C8orf88: variants seen among roughly 807,000 people sequenced by gnomAD.
C8orf88 encodes the protein chromosome 8 open reading frame 88, also known as uncharacterized protein C8orf88.
C8orf88 carries 14 observed loss-of-function variants against 18.4 expected under a neutral mutation model. That is an observed-to-expected ratio of 0.76 (90% confidence interval 0.50 to 1.19). C8orf88 has a LOEUF of 1.19. Among genes scored for constraint, C8orf88 ranks in the 50% most tolerant of loss-of-function variants. The pLI is 0.00. For synonymous variants in C8orf88, 45 were observed against 42.9 expected, an observed-to-expected ratio of 1.05 and a Z score of -0.19; for missense variants, 116 against 134.7, an observed-to-expected ratio of 0.86 and a Z score of 0.69.
chr8:90,975,470 C>T (rs1245430611), intron 3 of C8orf88, among the ~76,000 whole-genome samples: 3 of 151,602 alleles, frequency 2.0e-5, no homozygotes, highest in African/African-American at 4.8e-5. Context: ...TGAACAGACA[C>T]GCCATCAAAA....
At chr8:90,980,564 A>T in intron 1 of C8orf88, 103 bp from the exon 2 acceptor site, 1 of 516,482 alleles carries the variant, frequency 1.9e-6, no homozygotes, top group Non-Finnish European at 3.4e-6. Context: ...CTATTTTACA[A>T]GTTAAAGTGG....
At chr8:90,974,386 AC>A (rs1811320117) in intron 3 of C8orf88, among the ~76,000 whole-genome samples, 1 of 152,142 alleles carries the variant, frequency 6.6e-6, no homozygotes, top group Admixed American at 6.5e-5. Flanking sequence ...AGTTCATAGT[AC>A]CAGCTGAGCT....
chr8:90,983,450 A>G (rs1411747618), intron 1 of C8orf88, among the ~76,000 whole-genome samples: 4 of 152,124 alleles, frequency 2.6e-5, no homozygotes, highest in Non-Finnish European at 4.4e-5. Context: ...AATACTAACT[A>G]TATCTTAGGT....
rs34167108 is a variant in C8orf88 at position 90,966,498 on chromosome 8, TATAATA to T, written c.223+4562_223+4567del. Among the ~76,000 whole-genome samples, 8 of 140,782 alleles carry T rather than the reference TATAATA, an allele frequency of 5.7e-5. No homozygotes were observed. In the East Asian group the frequency reaches 6.1e-4, roughly 11 times the overall value. 92.4% of individuals were successfully genotyped at this position (140,782 alleles called of 152,430 possible). ...TGCACATGTACCCTAAAACTTAAAG[TATAATA>T]ATAATAATAATAATAATAAAGAATT... On this transcript the variant is annotated intron_variant, in intron 4 of 5. Coordinates refer to ENST00000517562, the MANE Select transcript of C8orf88 (RefSeq NM_001190972.2).
intron 5 of C8orf88, among the ~76,000 whole-genome samples, chr8:90,959,578 TTTAA>T (rs1219171508): frequency 6.6e-6 from 1 of 151,500 alleles, no homozygotes; most frequent in Non-Finnish European, 1.5e-5. Context: ...TAATTCCTGC[TTTAA>T]TTAACTTTAA....
intron 4 of C8orf88, among the ~76,000 whole-genome samples, chr8:90,965,187 A>G (rs1811176716): frequency 6.6e-6 from 1 of 151,730 alleles, no homozygotes; most frequent in South Asian, 2.1e-4. Context: ...ACTGTAAAAG[A>G]TATTCAATTC....
intron 1 of C8orf88, among the ~76,000 whole-genome samples, chr8:90,984,672 T>C (rs1342645030): frequency 6.6e-6 from 1 of 152,194 alleles, no homozygotes; most frequent in Non-Finnish European, 1.5e-5. Flanking sequence ...GTGATTACTT[T>C]AGTCATGTAA....
chr8:90,978,522 A>G (rs1186257830), intron 3 of C8orf88, 57 bp downstream of exon 3: 6 of 1,102,054 alleles, frequency 5.4e-6, no homozygotes, highest in Non-Finnish European at 7.7e-6. Context: ...TAGCCATCTA[A>G]CACATGTTAC....
Position 90,958,735 on chromosome 8 carries a change from C to A in C8orf88, c.*272G>T. On this transcript the variant is annotated 3_prime_UTR_variant, in exon 6 of 6. Transcript: ENST00000517562. The stretch of plus-strand genomic sequence containing the variant: ...AAAACAAAAAATTGCAAGTAGTATG[C>A]AAATTATAAATATACAGTCTTCCCA... 1 of 324,868 alleles carries A rather than the reference C, an allele frequency of 3.1e-6. No homozygotes were observed. Among genetic ancestry groups the A allele is most frequent in the Non-Finnish European group, 5.6e-6 (1 of 178,936 alleles). The allele number at this position is 324,868 out of a possible 1,614,324, so 20.1% of individuals were successfully genotyped here.
Position 90,971,137 on chromosome 8 carries a change from T to G in C8orf88, c.152A>C (p.Lys51Thr), listed in dbSNP as rs1811277864. ...AGAAAAGGCTTGCATTCCATTCGTC[T>G]TACACTGTTAAACATGAAGAAAATA... Reference protein sequence around the residue: ...QCIQSGVSRCKTNGMQAFSQG... With the variant: ...QCIQSGVSRCTTNGMQAFSQG... The change falls in exon 4 of 6, where the codon AAG becomes ACG. Residue 51 changes from lysine to threonine, a missense_variant. Lys to Thr is a moderately conservative substitution (Grantham distance 78, BLOSUM62 -1). Coordinates refer to ENST00000517562, the MANE Select transcript of C8orf88 (RefSeq NM_001190972.2). The G allele has an allele frequency of 1.1e-5, 17 of 1,500,712 alleles. No homozygotes were observed. Among genetic ancestry groups the G allele is most frequent in the Middle Eastern group, 3.4e-4 (2 of 5,828 alleles). The allele number at this position is 1,500,712 out of a possible 1,614,324, so 93.0% of individuals were successfully genotyped here.
intron 4 of C8orf88, among the ~76,000 whole-genome samples, chr8:90,966,821 A>G (rs753172223): frequency 1.2e-4 from 19 of 152,048 alleles, no homozygotes; most frequent in Admixed American, 5.9e-4. Context: ...AAAATAGCAA[A>G]AGATGAAAAT....
chr8:90,969,720 T>G (rs1158975345), intron 4 of C8orf88, among the ~76,000 whole-genome samples: 1 of 151,924 alleles, frequency 6.6e-6, no homozygotes, highest in Non-Finnish European at 1.5e-5. Flanking sequence ...GTAGTATTGT[T>G]GCACAACAAT....
chr8:90,972,303 T>G (rs1487238420), intron 3 of C8orf88, among the ~76,000 whole-genome samples: 1 of 152,072 alleles, frequency 6.6e-6, no homozygotes, highest in Non-Finnish European at 1.5e-5. Flanking sequence ...AATCAAGTTT[T>G]AGTAGAGCTT....
rs549321322 is a variant in C8orf88 at position 90,978,591 on chromosome 8, A to T, written c.135T>A (p.Ser45Arg). 29 of 1,526,276 alleles carry T rather than the reference A, an allele frequency of 1.9e-5. No individual in the cohort carries two copies. The Admixed American group carries it at 3.2e-4, about 17-fold the overall frequency. The allele number at this position is 1,526,276 out of a possible 1,614,324, so 94.5% of individuals were successfully genotyped here. A position where few individuals can be genotyped will look rare whatever the true frequency, so the allele number is the denominator to read the frequency against. ...EYPCNTQCIQ[S>R]GVSRCKTNGM... ...TTCTAAGACTTACTCTGCTAACTCCACTTTGTATGCACTGAGTGTTGCATG... is the reference window on the plus strand; with the variant it reads ...TTCTAAGACTTACTCTGCTAACTCCTCTTTGTATGCACTGAGTGTTGCATG... The change falls in exon 3 of 6, where the codon AGT becomes AGA. Residue 45 changes from serine (S) to arginine (R), a missense_variant. Transcript: ENST00000517562.
chr8:90,983,183 T>C (rs1003203997), intron 1 of C8orf88, among the ~76,000 whole-genome samples: 3 of 152,122 alleles, frequency 2.0e-5, no homozygotes, highest in Non-Finnish European at 1.5e-5. Flanking sequence ...GGGTAGCAAG[T>C]AGTGGGCCTA....
intron 3 of C8orf88, among the ~76,000 whole-genome samples, chr8:90,973,326 T>C (rs892915738): frequency 6.6e-6 from 1 of 152,140 alleles, no homozygotes; most frequent in African/African-American, 2.4e-5. Flanking sequence ...AGCCTTGTAC[T>C]GAAGAGCATG....
intron 4 of C8orf88, among the ~76,000 whole-genome samples, chr8:90,965,586 C>T (rs1200037911): frequency 6.6e-6 from 1 of 151,782 alleles, no homozygotes; most frequent in Non-Finnish European, 1.5e-5. Flanking sequence ...CCACAGCACA[C>T]ATGTTCCACA....
At chr8:90,974,875 C>T (rs1161772766) in intron 3 of C8orf88, among the ~76,000 whole-genome samples, 1 of 151,934 alleles carries the variant, frequency 6.6e-6, no homozygotes, top group African/African-American at 2.4e-5. Context: ...TAAGGGTGGT[C>T]TCTACAAAAA....
intron 1 of C8orf88, among the ~76,000 whole-genome samples, chr8:90,983,957 A>G (rs1187359879): frequency 6.6e-6 from 1 of 152,224 alleles, no homozygotes; most frequent in Non-Finnish European, 1.5e-5. Context: ...ATAAATTGGT[A>G]TATGCTAATA....
Sources: gnomAD v4.1 joint callset for allele counts (sites outside exome capture counted in the v4.1 genomes callset) on GRCh38, gnomAD v4.1.1 for gene constraint, MANE v1.5 for transcripts, NCBI Gene and HGNC (gene_info 2026-07-23, HGNC 2026-07-21) for gene names.